The following TMPRSS12 variants were observed in gnomAD, a reference collection of about 807,000 sequenced individuals.
TMPRSS12 encodes transmembrane protease serine 12.
TMPRSS12 carries 25 observed loss-of-function variants against 26.0 expected under a neutral mutation model. The observed-to-expected ratio is 0.96, with a 90% confidence interval of 0.70 to 1.34. TMPRSS12 has a LOEUF of 1.34. TMPRSS12 is among the 40% of genes most tolerant of loss of function. The pLI is 0.00. For missense variants in TMPRSS12, 441 were observed against 440.1 expected, an observed-to-expected ratio of 1.00 and a Z score of -0.02; for synonymous variants, 150 against 161.7, an observed-to-expected ratio of 0.93 and a Z score of 0.55.
chr12:50,881,757 T>C (rs1162679907), intron 3 of TMPRSS12, among the ~76,000 whole-genome samples: 2 of 149,498 alleles, frequency 1.3e-5, no homozygotes, highest in African/African-American at 4.9e-5. Context: ...GATCACGAGG[T>C]CAAGAGTCCG....
intron 3 of TMPRSS12, among the ~76,000 whole-genome samples, chr12:50,872,659 G>T (rs1319537046): frequency 1.4e-5 from 1 of 69,916 alleles, no homozygotes; most frequent in African/African-American, 5.3e-5. Flanking sequence ...CATATATGAC[G>T]TATATGTACA....
chr12:50,864,255 A>T (rs1265893986), intron 3 of TMPRSS12, among the ~76,000 whole-genome samples: 1 of 152,240 alleles, frequency 6.6e-6, no homozygotes, highest in Non-Finnish European at 1.5e-5. Flanking sequence ...CATCAAATGC[A>T]AATTATTTAT....
At position 50,843,865 on chromosome 12, in the gene TMPRSS12, G is replaced by T. The variant is rs202128923; in HGVS notation, c.211G>T (p.Asp71Tyr). The T allele has an allele frequency of 2.1e-5, 32 of 1,558,248 alleles. No homozygotes were observed. The highest frequency in any genetic ancestry group is 1.8e-5 in the Non-Finnish European group (21 of 1,151,002). Residue 71 changes from aspartate to tyrosine, a missense_variant, in exon 2 of 5, where the codon GAT (aspartate) becomes TAT (tyrosine). Coordinates refer to ENST00000398458, the MANE Select transcript of TMPRSS12 (RefSeq NM_182559.3). ...AEDCGTAPLK[D>Y]VLQGSRIIGG... ...AGATTGTGGAACAGCACCGCTTAAG[G>T]ATGTGTTGCAAGGGTCTCGGATTAT...
At position 50,860,853 on chromosome 12, in the gene TMPRSS12, C is replaced by T. The variant is rs533160110; in HGVS notation, c.652+1800C>T. 2.6e-5 allele frequency among the ~76,000 whole-genome samples: 4 copies of T among 152,250 alleles called. No individual in the cohort carries two copies. In the East Asian group the frequency reaches 7.7e-4, roughly 29 times the overall value. On this transcript the variant is annotated intron_variant, in intron 3 of 4. Coordinates refer to ENST00000398458, the MANE Select transcript of TMPRSS12 (RefSeq NM_182559.3). The stretch of plus-strand genomic sequence containing the variant: ...CTTGAACTCCTAGTCTTAAGAAATC[C>T]TCCTGCTTCAGCCTCCCAAAGTGCT...
intron 3 of TMPRSS12, among the ~76,000 whole-genome samples, chr12:50,877,005 G>T (rs1484048889): frequency 6.6e-6 from 1 of 151,928 alleles, no homozygotes; most frequent in Non-Finnish European, 1.5e-5. Context: ...GTAAATAGTG[G>T]GTACTCATGG....
Position 50,858,885 on chromosome 12 carries a change from A to C in TMPRSS12, c.484A>C (p.Asn162His). 6.3e-7 allele frequency: 1 copy of C among 1,594,872 alleles called. No homozygotes were observed. The highest frequency in any genetic ancestry group is 8.6e-7 in the Non-Finnish European group (1 of 1,169,460). Residue 162 changes from asparagine to histidine, a missense_variant, in exon 3 of 5, where the codon AAC (asparagine) becomes CAC (histidine). Transcript: ENST00000398458. ...IKIKAIIIHP[N>H]FILESYVNDI... ...AATTAAAGCAATCATTATTCATCCA[A>C]ACTTCATTTTGGAATCTTATGTAAA...
At chr12:50,867,190 G>C (rs1345715567) in intron 3 of TMPRSS12, among the ~76,000 whole-genome samples, 1 of 152,218 alleles carries the variant, frequency 6.6e-6, no homozygotes, top group African/African-American at 2.4e-5. Flanking sequence ...TAATCATGGA[G>C]GCTCCAGAGA....
rs1937732146 is a variant in TMPRSS12 at position 50,843,267 on chromosome 12, T to C, written c.187+116T>C. 3 of 1,087,306 alleles carry C rather than the reference T, an allele frequency of 2.8e-6. No homozygotes were observed. In the South Asian group the frequency reaches 5.6e-5, roughly 20 times the overall value. The allele number at this position is 1,087,306 out of a possible 1,614,324, so 67.4% of individuals were successfully genotyped here. A position where few individuals can be genotyped will look rare whatever the true frequency, so the allele number is the denominator to read the frequency against. On this transcript the variant is annotated intron_variant, in intron 1 of 4. Transcript: ENST00000398458. Reference sequence around the variant, plus strand: ...GTCCCAATGGCCTTTAACCAAAATTTTACATACCTAAGCAGTTTCTAGACC... The same window carrying C: ...GTCCCAATGGCCTTTAACCAAAATTCTACATACCTAAGCAGTTTCTAGACC...
Position 50,862,582 on chromosome 12 carries a change from G to T in TMPRSS12, c.652+3529G>T, listed in dbSNP as rs182322515. On this transcript the variant is annotated intron_variant, in intron 3 of 4. Transcript: ENST00000398458. Reference sequence around the variant, plus strand: ...GCTCTGTCACCCAGGCTGGAAGGTGGTGATGCGATCTCAGCTCACTGCATC... The same window carrying T: ...GCTCTGTCACCCAGGCTGGAAGGTGTTGATGCGATCTCAGCTCACTGCATC... Among the ~76,000 whole-genome samples, 167 of 152,124 alleles carry T rather than the reference G, an allele frequency of 1.1e-3. 1 individual carries two copies. The Middle Eastern group carries it at 0.014, about 12-fold the overall frequency.
chr12:50,875,475 G>A, intron 3 of TMPRSS12, among the ~76,000 whole-genome samples: 1 of 100,510 alleles, frequency 9.9e-6, no homozygotes, highest in South Asian at 4.0e-4. Flanking sequence ...GGGCGACAGA[G>A]CAAGACTCCA....
chr12:50,862,215 A>G (rs1565933168), intron 3 of TMPRSS12, among the ~76,000 whole-genome samples: 1 of 152,226 alleles, frequency 6.6e-6, no homozygotes, highest in African/African-American at 2.4e-5. Flanking sequence ...CTCCAGCAAC[A>G]TGGTAGTTTA....
chr12:50,877,756 T>A (rs966290061), intron 3 of TMPRSS12, among the ~76,000 whole-genome samples: 1 of 152,154 alleles, frequency 6.6e-6, no homozygotes, highest in African/African-American at 2.4e-5. Context: ...ATTACAGGCA[T>A]GCGCCGCCAC....
intron 2 of TMPRSS12, among the ~76,000 whole-genome samples, chr12:50,847,299 C>T (rs1039250211): frequency 5.3e-5 from 8 of 151,678 alleles, no homozygotes; most frequent in South Asian, 4.2e-4. Flanking sequence ...CCTCGTGATC[C>T]GCCCGTCTCG....
At position 50,872,900 on chromosome 12, in the gene TMPRSS12, TATATATGACTATATATGTAC is replaced by T. The variant is rs1185028556; in HGVS notation, c.653-12337_653-12318del. Among the ~76,000 whole-genome samples, 2 of 114,038 alleles carry T rather than the reference TATATATGACTATATATGTAC, an allele frequency of 1.8e-5. 1 individual carries two copies. The highest frequency in any genetic ancestry group is 6.7e-5 in the African/African-American group (2 of 29,898). The allele number at this position is 114,038 out of a possible 152,430, so 74.8% of individuals were successfully genotyped here. A position where few individuals can be genotyped will look rare whatever the true frequency, so the allele number is the denominator to read the frequency against. ...CATATATATGACGTATATATGTACA[TATATATGACTATATATGTAC>T]ATATATGATGTATATATGTACATAT... On this transcript the variant is annotated intron_variant, in intron 3 of 4. Transcript: ENST00000398458.
chr12:50,871,334 C>T (rs1045562329), intron 3 of TMPRSS12, among the ~76,000 whole-genome samples: 8 of 152,034 alleles, frequency 5.3e-5, no homozygotes, highest in African/African-American at 1.4e-4. Context: ...CAAACAAAAA[C>T]GTAAAATGGG....
intron 3 of TMPRSS12, among the ~76,000 whole-genome samples, chr12:50,861,962 A>G (rs1046658727): frequency 6.6e-6 from 1 of 152,080 alleles, no homozygotes; most frequent in African/African-American, 2.4e-5. Context: ...GGCACGTGCC[A>G]CCACACTCGG....
At chr12:50,843,507 G>A (rs1937734413) in intron 1 of TMPRSS12, among the ~76,000 whole-genome samples, 2 of 152,126 alleles carry the variant, frequency 1.3e-5, no homozygotes, top group Admixed American at 1.3e-4. Context: ...TAGAATTTGC[G>A]GCTCTCGACT....
intron 2 of TMPRSS12, among the ~76,000 whole-genome samples, chr12:50,849,592 G>A (rs1247702091): frequency 6.6e-6 from 1 of 151,966 alleles, no homozygotes; most frequent in African/African-American, 2.4e-5. Context: ...ATCCCTTACA[G>A]TTTTTCCATT....
intron 2 of TMPRSS12, among the ~76,000 whole-genome samples, chr12:50,851,068 A>G (rs532550636): frequency 9.8e-4 from 149 of 152,362 alleles, no homozygotes; most frequent in African/African-American, 3.4e-3. Context: ...AAGGACAGCA[A>G]CTTCAAAGAT....
Sources: gnomAD v4.1 joint callset for allele counts (sites outside exome capture counted in the v4.1 genomes callset) on GRCh38, gnomAD v4.1.1 for gene constraint, MANE v1.5 for transcripts, NCBI Gene and HGNC (gene_info 2026-07-23, HGNC 2026-07-21) for gene names.